UNC13C: variants seen among roughly 807,000 people sequenced by gnomAD.
UNC13C encodes the protein protein unc-13 homolog C.
In UNC13C, 174 loss-of-function variants were observed where a neutral mutation model predicts 245.4. The ratio of observed to expected loss-of-function variants is 0.71; its 90% confidence interval spans 0.63 to 0.80. The LOEUF is 0.80. Among genes scored for constraint, UNC13C ranks in the 30% least tolerant of loss-of-function variants. The pLI is 0.00. For synonymous variants in UNC13C, 992 were observed against 895.1 expected (o/e 1.11, Z -1.93); for missense variants, 2,829 against 2,602.9 (o/e 1.09, Z -1.89).
At chr15:54,444,616 C>T (rs985960411) in intron 19 of UNC13C, among the ~76,000 whole-genome samples, 2 of 151,336 alleles carry the variant, frequency 1.3e-5, no homozygotes, top group Admixed American at 6.6e-5. Context: ...CACTTTTTCT[C>T]TCCTATTATT....
chr15:54,407,930 G>A (rs567084193), intron 18 of UNC13C, among the ~76,000 whole-genome samples: 5 of 151,958 alleles, frequency 3.3e-5, no homozygotes, highest in South Asian at 2.1e-4. Context: ...GGCGGGGTGC[G>A]GTGGCTCACA....
At chr15:53,944,577 A>G in the UNC13C span, among the ~76,000 whole-genome samples, 1 of 152,220 alleles carries the variant, frequency 6.6e-6, no homozygotes. Flanking sequence ...ATGTTCTTGC[A>G]AAGGACATGA....
At chr15:54,285,657 G>A (rs1234292312) in intron 10 of UNC13C, among the ~76,000 whole-genome samples, 1 of 152,124 alleles carries the variant, frequency 6.6e-6, no homozygotes, top group African/African-American at 2.4e-5. Context: ...CTGCCTTCCA[G>A]GCCGAGCTAG....
At chr15:54,462,704 G>T (rs931285462) in intron 19 of UNC13C, among the ~76,000 whole-genome samples, 3 of 152,238 alleles carry the variant, frequency 2.0e-5, no homozygotes, top group East Asian at 1.9e-4. Context: ...GCAGGGCTTG[G>T]GACCTGCAGC....
intron 17 of UNC13C, among the ~76,000 whole-genome samples, chr15:54,385,704 GGACTT>G (rs1286457318): frequency 6.6e-6 from 1 of 151,882 alleles, no homozygotes; most frequent in Non-Finnish European, 1.5e-5. Context: ...TTGGAGGACA[GGACTT>G]GAAATGATAT....
the UNC13C span, among the ~76,000 whole-genome samples, chr15:53,905,287 G>A: frequency 3.9e-5 from 6 of 152,000 alleles, no homozygotes; most frequent in South Asian, 1.2e-3. Context: ...CAATAGCCAA[G>A]ATATAGAAAC....
chr15:53,939,923 A>T, the UNC13C span, among the ~76,000 whole-genome samples: 1 of 152,094 alleles, frequency 6.6e-6, no homozygotes, highest in Non-Finnish European at 1.5e-5. Flanking sequence ...TGATGGGTTT[A>T]TATTGGGGAG....
chr15:54,072,933 T>C (rs1331296301), intron 2 of UNC13C, among the ~76,000 whole-genome samples: 6 of 151,988 alleles, frequency 3.9e-5, no homozygotes, highest in African/African-American at 1.5e-4. Context: ...GCAGAACATG[T>C]AGGTTTGTTA....
chr15:54,388,364 T>G (rs1240581257), intron 17 of UNC13C, among the ~76,000 whole-genome samples: 1 of 152,182 alleles, frequency 6.6e-6, no homozygotes, highest in Non-Finnish European at 1.5e-5. Flanking sequence ...AAACTCATAA[T>G]AGTCCAGCGT....
chr15:54,610,145 G>C (rs908350244), intron 30 of UNC13C, among the ~76,000 whole-genome samples: 1 of 152,230 alleles, frequency 6.6e-6, no homozygotes, highest in Non-Finnish European at 1.5e-5. Flanking sequence ...ATATACAAAA[G>C]AGTTCCTTCA....
At position 54,341,900 on chromosome 15, in the gene UNC13C, C is replaced by T. The variant is rs549894662; in HGVS notation, c.4713+3411C>T. Among the ~76,000 whole-genome samples, 27 of 150,970 alleles carry T rather than the reference C, an allele frequency of 1.8e-4. 2 individuals are homozygous for T. The South Asian group carries it at 5.0e-3, about 28-fold the overall frequency. On this transcript the variant is annotated intron_variant, in intron 17 of 32. Coordinates refer to ENST00000260323, the MANE Select transcript of UNC13C (RefSeq NM_001080534.3). ...CTGAGGCAGGAGAATGGTGTGAACC[C>T]GGGAGGCGGAGCTTGCAGTGAGCCG...
At position 54,109,468 on chromosome 15, in the gene UNC13C, A is replaced by G. The variant is rs1271238316; in HGVS notation, c.2984-33550A>G. Among the ~76,000 whole-genome samples the G allele has an allele frequency of 3.3e-5, 5 of 150,306 alleles. No individual in the cohort carries two copies. The South Asian group carries it at 6.3e-4, about 19-fold the overall frequency. ...GCCATTCTCCTGCCTCAGCCTCCCA[A>G]GTAGCTGAGATTACAGGCATGCACC... On this transcript the variant is annotated intron_variant, in intron 2 of 32. Transcript: ENST00000260323.
intron 19 of UNC13C, among the ~76,000 whole-genome samples, chr15:54,471,514 C>T (rs952901322): frequency 6.6e-6 from 1 of 151,510 alleles, no homozygotes. Context: ...TAGATGCCCC[C>T]ATTCCCCTTT....
the UNC13C span, among the ~76,000 whole-genome samples, chr15:53,869,453 C>T: frequency 6.6e-6 from 1 of 152,134 alleles, no homozygotes; most frequent in Non-Finnish European, 1.5e-5. Flanking sequence ...TACTAATTCC[C>T]TTGTGGGCTT....
chr15:54,245,202 T>C (rs536214653), intron 7 of UNC13C, among the ~76,000 whole-genome samples: 2 of 152,322 alleles, frequency 1.3e-5, no homozygotes, highest in African/African-American at 4.8e-5. Flanking sequence ...ATCACTTGTA[T>C]ACATTTTTAT....
intron 30 of UNC13C, among the ~76,000 whole-genome samples, chr15:54,609,068 C>A (rs571571719): frequency 6.6e-6 from 1 of 152,194 alleles, no homozygotes; most frequent in Non-Finnish European, 1.5e-5. Flanking sequence ...GCCAAATGTT[C>A]TGAACCCTGG....
chr15:54,188,389 A>G (rs900701939), intron 4 of UNC13C, among the ~76,000 whole-genome samples: 3 of 152,148 alleles, frequency 2.0e-5, no homozygotes, highest in South Asian at 2.1e-4. Context: ...GCAAATAATA[A>G]TTATATAAAG....
Position 54,015,186 on chromosome 15 carries a change from A to G in UNC13C, c.2283A>G (p.Arg761=), listed in dbSNP as rs1392749483. ...AAAACCAGTTGTCCATGATGTATCG[A>G]AGTCAAAGTGAATTGCAAAGTGATG... ...QNQNQLSMMY[R]SQSELQSDDS... The change falls in exon 2 of 33, where the codon CGA becomes CGG. Residue 761 remains arginine (R), a synonymous_variant. Transcript: ENST00000260323. 8.1e-6 allele frequency: 13 copies of G among 1,613,066 alleles called. No individual in the cohort carries two copies. Among genetic ancestry groups the G allele is most frequent in the African/African-American group, 8.0e-5 (6 of 75,024 alleles).
intron 29 of UNC13C, among the ~76,000 whole-genome samples, chr15:54,555,758 T>A (rs1897064102): frequency 6.6e-6 from 1 of 152,070 alleles, no homozygotes; most frequent in Non-Finnish European, 1.5e-5. Context: ...ACATCCACAA[T>A]AGACTGTCCT....
Sources: gnomAD v4.1 joint callset for allele counts (sites outside exome capture counted in the v4.1 genomes callset) on GRCh38, gnomAD v4.1.1 for gene constraint, MANE v1.5 for transcripts, NCBI Gene and HGNC (gene_info 2026-07-23, HGNC 2026-07-21) for gene names.